Variants in ANTXR2 observed in about 807,000 individuals in gnomAD.
ANTXR2 encodes the protein ANTXR cell adhesion molecule 2.
In ANTXR2, 44 loss-of-function variants were observed where a neutral mutation model predicts 73.7. The observed-to-expected ratio is 0.60, with a 90% CI of 0.47 to 0.77. The LOEUF is 0.77. Ranked by LOEUF, ANTXR2 falls within the 30% of genes least tolerant of loss-of-function variation. The pLI is 0.00. For missense variants in ANTXR2, 604 were observed against 592.5 expected (o/e 1.02, Z -0.20); for synonymous variants, 217 against 205.9 (o/e 1.05, Z -0.46).
intron 16 of ANTXR2, among the ~76,000 whole-genome samples, chr4:79,910,431 C>T (rs1727077662): frequency 6.8e-6 from 1 of 148,064 alleles, no homozygotes; most frequent in Non-Finnish European, 1.5e-5. Flanking sequence ...ATCGCTTGAA[C>T]CCGGGAGGCG....
rs1731712183 is a variant in ANTXR2, at chr4:80,013,853, A to G, written c.945+5045T>C. Among the ~76,000 whole-genome samples the G allele has an allele frequency of 2.0e-5, 3 of 152,350 alleles. No individual in the cohort carries two copies. The South Asian group carries it at 6.2e-4, about 32-fold the overall frequency. ...GCAATGGTTAAATTTAAGGAGGAAA[A>G]ATAATTTTCCTATAATTACTGTCAA... On this transcript the variant is annotated intron_variant, in intron 11 of 16. Transcript: ENST00000403729.
At chr4:79,947,045 A>T (rs759457597) in intron 16 of ANTXR2, among the ~76,000 whole-genome samples, 6 of 152,158 alleles carry the variant, frequency 3.9e-5, no homozygotes, top group Non-Finnish European at 8.8e-5. Flanking sequence ...GCCAGAAGCA[A>T]ATAGGAACCC....
At chr4:79,957,443 T>C (rs763970940) in intron 16 of ANTXR2, among the ~76,000 whole-genome samples, 14 of 152,088 alleles carry the variant, frequency 9.2e-5, no homozygotes, top group Non-Finnish European at 1.8e-4. Context: ...AAGAAAAGTA[T>C]AATGTATCTC....
At chr4:80,032,051 G>A (rs955250248) in intron 9 of ANTXR2, among the ~76,000 whole-genome samples, 1 of 151,588 alleles carries the variant, frequency 6.6e-6, no homozygotes, top group African/African-American at 2.4e-5. Context: ...ATGAAGGAAG[G>A]TGAAAGTTAG....
chr4:80,064,173 C>G (rs535420380), intron 3 of ANTXR2, among the ~76,000 whole-genome samples: 7 of 152,078 alleles, frequency 4.6e-5, no homozygotes, highest in Non-Finnish European at 5.9e-5. Flanking sequence ...AGTTTGCCTA[C>G]GGAAGATTTT....
intron 11 of ANTXR2, among the ~76,000 whole-genome samples, chr4:80,017,556 A>G (rs74724248): frequency 6.6e-6 from 1 of 152,136 alleles, no homozygotes; most frequent in Admixed American, 6.5e-5. Context: ...ATCCCACATG[A>G]GTCATTTAGC....
intron 16 of ANTXR2, among the ~76,000 whole-genome samples, chr4:79,930,824 C>A (rs990498803): frequency 1.3e-5 from 2 of 152,258 alleles, no homozygotes; most frequent in East Asian, 3.9e-4. Context: ...ATAGTGTAAA[C>A]GAGCTGAAAC....
chr4:79,902,398 CAATT>C lies in ANTXR2; in HGVS notation c.*5027_*5030del, dbSNP rs1257740758. 6.6e-6 allele frequency: 1 copy of C among 152,042 alleles called. No homozygotes were observed. Among genetic ancestry groups the C allele is most frequent in the Non-Finnish European group, 1.5e-5 (1 of 68,002 alleles). 9.4% of individuals were successfully genotyped at this position (152,042 alleles called of 1,614,324 possible). A position where few individuals can be genotyped will look rare whatever the true frequency, so the allele number is the denominator to read the frequency against. On this transcript the variant is annotated 3_prime_UTR_variant, in exon 17 of 17. Transcript: ENST00000403729. ...TGGGTAGCACAGGCATAGTAACTGT[CAATT>C]AAGACTTTTTTTCCAATTTTGACTA...
chr4:79,922,943 T>C (rs1727645219), intron 16 of ANTXR2, among the ~76,000 whole-genome samples: 1 of 152,148 alleles, frequency 6.6e-6, no homozygotes, highest in South Asian at 2.1e-4. Flanking sequence ...GCAAAGTTGA[T>C]TCAGTGTTTA....
At chr4:79,962,771 G>A (rs1216900932) in intron 16 of ANTXR2, among the ~76,000 whole-genome samples, 3 of 152,166 alleles carry the variant, frequency 2.0e-5, no homozygotes, top group African/African-American at 4.8e-5. Context: ...CAGCTATATG[G>A]CACAAAATAT....
chr4:79,974,614 T>C lies in ANTXR2; in HGVS notation c.1428+3007A>G, dbSNP rs577879986. ...TATTAATATATAATAGAAAAATGTCTGAATAATATGATTAGGAGATGATGC... is the reference window on the plus strand; with the variant it reads ...TATTAATATATAATAGAAAAATGTCCGAATAATATGATTAGGAGATGATGC... On this transcript the variant is annotated intron_variant, in intron 16 of 16. Coordinates refer to ENST00000403729, the MANE Select transcript of ANTXR2 (RefSeq NM_058172.6). Among the ~76,000 whole-genome samples, 92 of 151,970 alleles carry C rather than the reference T, an allele frequency of 6.1e-4. 1 individual carries two copies. Among genetic ancestry groups the C allele is most frequent in the African/African-American group, 2.1e-3 (86 of 41,538 alleles).
In ANTXR2 at chr4:80,072,673, A is replaced by G; in HGVS notation, c.-113T>C. ...CACTCTGGGGTGGGGGGCGGCGAGC[A>G]GCTGAGACGCCGGCGCCTGCGGCAG... On this transcript the variant is annotated 5_prime_UTR_variant, in exon 1 of 17. Transcript: ENST00000403729. 5 of 1,339,332 alleles carry G rather than the reference A, an allele frequency of 3.7e-6. No homozygotes were observed. Among genetic ancestry groups the G allele is most frequent in the South Asian group, 3.8e-5 (2 of 52,204 alleles). The allele number at this position is 1,339,332 out of a possible 1,614,324, so 83.0% of individuals were successfully genotyped here.
In ANTXR2 at chr4:80,054,319, A is replaced by G; in HGVS notation, c.589T>C (p.Phe197Leu). The stretch of plus-strand genomic sequence containing the variant: ...GCCTGAAATCCACCTTTGACAGGGA[A>G]AACTTGCTCCTTGGAATCAGCAATT... The part of the protein sequence containing the change: ...ERIADSKEQV[F>L]PVKGGFQALK... Residue 197 changes from phenylalanine to leucine, a missense_variant, in exon 7 of 17, where the codon TTC (phenylalanine) becomes CTC (leucine). Phe to Leu is a conservative substitution (Grantham distance 22). Coordinates refer to ENST00000403729, the MANE Select transcript of ANTXR2 (RefSeq NM_058172.6). 2 of 1,595,180 alleles carry G rather than the reference A, an allele frequency of 1.3e-6. No individual in the cohort carries two copies. The highest frequency in any genetic ancestry group is 1.7e-4 in the Middle Eastern group (1 of 6,012).
At chr4:79,994,450 C>T (rs1481574976) in intron 12 of ANTXR2, among the ~76,000 whole-genome samples, 1 of 151,942 alleles carries the variant, frequency 6.6e-6, no homozygotes, top group Non-Finnish European at 1.5e-5. Flanking sequence ...CCTTCCATTC[C>T]ACTAAGTCTG....
Position 80,055,385 on chromosome 4 carries a change from A to G in ANTXR2, c.461T>C (p.Leu154Pro). ...IALTDGKLDG[L>P]VPSYAEKEAK... is the part of the protein sequence containing the mutation. ...CTCTTTCTCTGCATATGATGGCACCAGACCGTCCAACTTGCCATCTGTCAG... is the reference window on the plus strand; with the variant it reads ...CTCTTTCTCTGCATATGATGGCACCGGACCGTCCAACTTGCCATCTGTCAG... Residue 154 changes from leucine to proline, a missense_variant, in exon 5 of 17, where the codon CTG (leucine) becomes CCG (proline). Leu to Pro is a moderately conservative substitution (Grantham distance 98, BLOSUM62 -3). Transcript: ENST00000403729. 6.2e-7 allele frequency: 1 copy of G among 1,611,064 alleles called. No individual in the cohort carries two copies. The highest frequency in any genetic ancestry group is 8.5e-7 in the Non-Finnish European group (1 of 1,178,274).
intron 3 of ANTXR2, among the ~76,000 whole-genome samples, chr4:80,067,579 T>C (rs976667632): frequency 2.0e-5 from 3 of 152,224 alleles, no homozygotes; most frequent in Admixed American, 6.5e-5. Flanking sequence ...GAAATTAAGC[T>C]GGGCAATGGA....
At chr4:79,951,602 AAAC>A (rs978262131) in intron 16 of ANTXR2, among the ~76,000 whole-genome samples, 1 of 141,012 alleles carries the variant, frequency 7.1e-6, no homozygotes, top group Non-Finnish European at 1.6e-5. Context: ...AAAAAAAAAA[AAAC>A]AACAAAAAGA....
intron 11 of ANTXR2, among the ~76,000 whole-genome samples, chr4:80,018,223 A>G (rs1047550042): frequency 3.9e-5 from 6 of 152,160 alleles, no homozygotes; most frequent in Non-Finnish European, 7.3e-5. Flanking sequence ...AATAATAACC[A>G]TGTGGTTGGT....
chr4:80,033,839 A>G (rs1205935580), intron 8 of ANTXR2, among the ~76,000 whole-genome samples: 4 of 152,028 alleles, frequency 2.6e-5, no homozygotes, highest in African/African-American at 9.7e-5. Flanking sequence ...TGACCAAGGT[A>G]TAGAACAGAA....
Sources: allele counts gnomAD v4.1 joint callset (sites outside exome capture counted in the v4.1 genomes callset), GRCh38; gene constraint gnomAD v4.1.1; transcripts MANE v1.5; gene names NCBI Gene and HGNC (gene_info 2026-07-23, HGNC 2026-07-21).